The following TCF3 variants were observed in gnomAD, a reference collection of about 807,000 sequenced individuals.
TCF3 encodes transcription factor 3.
Under a neutral mutation model 72.3 loss-of-function variants are expected in TCF3, and 54 were observed. That is an observed-to-expected ratio of 0.75 (90% CI 0.60 to 0.94). The LOEUF (loss-of-function observed/expected upper bound fraction) is 0.94. Ranked by LOEUF, TCF3 falls within the 40% of genes least tolerant of loss-of-function variation. The pLI, the probability that TCF3 is intolerant of heterozygous loss-of-function variation, is 0.00. For missense variants in TCF3, 1,078 were observed against 934.4 expected (o/e 1.15, Z -2.00); for synonymous variants, 525 against 412.6 (o/e 1.27, Z -3.30).
Position 1,611,836 on chromosome 19 carries a change from A to G in TCF3, c.1836T>C (p.Asn612=), listed in dbSNP as rs773472092. ...GCCGTTTCAAACAGGCTGCTTTGGG[A>G]TTCAGGTTCCGCTCTGGAGGGAGGG... ...LEQQVRERNL[N]PKAACLKRRE... is the part of the protein sequence containing the mutation. Residue 612 remains asparagine, a synonymous_variant, in exon 19 of 19, where the codon AAT becomes AAC. Transcript: ENST00000262965. The G allele has an allele frequency of 6.2e-7, 1 of 1,605,842 alleles. No homozygotes were observed. The highest frequency in any genetic ancestry group is 1.4e-5 in the African/African-American group (1 of 73,406).
At chr19:1,620,340 C>T (rs766050820) in intron 13 of TCF3, among the ~76,000 whole-genome samples, 1 of 152,270 alleles carries the variant, frequency 6.6e-6, no homozygotes. Context: ...TCTCACTCCC[C>T]CTCCTCCTGT....
chr19:1,624,780 T>C (rs1205371762), intron 7 of TCF3, among the ~76,000 whole-genome samples: 1 of 152,360 alleles, frequency 6.6e-6, no homozygotes, highest in East Asian at 1.9e-4. Context: ...TCCCGCATCA[T>C]GGGGCTCCTG....
chr19:1,646,242 T>C (rs1430751505), intron 3 of TCF3, 113 bp downstream of exon 3: 2 of 1,188,910 alleles, frequency 1.7e-6, no homozygotes, highest in African/African-American at 1.5e-5. Context: ...TGTGTGGCCC[T>C]TTCCCCATTG....
chr19:1,630,751 G>C (rs1053299264), intron 5 of TCF3, among the ~76,000 whole-genome samples: 2 of 152,224 alleles, frequency 1.3e-5, no homozygotes, highest in Non-Finnish European at 2.9e-5. Context: ...TGGGGCAGGA[G>C]GCTGACCACG....
chr19:1,622,380 C>T lies in TCF3; in HGVS notation c.585G>A (p.Arg195=). The change falls in exon 9 of 19, where the codon AGG becomes AGA. Residue 195 remains arginine, a synonymous_variant. Transcript: ENST00000262965. The part of the protein sequence containing the change: ...YPPSSGEDYG[R]DATAYPSAKT... ...TGGCGGACGGGTAGGCGGTGGCATC[C>T]CTGCCGTAGTCCTCACCTGAGCTGG... 2.0e-6 allele frequency: 3 copies of T among 1,521,620 alleles called. No individual in the cohort carries two copies. The highest frequency in any genetic ancestry group is 1.4e-5 in the African/African-American group (1 of 72,564). The allele number at this position is 1,521,620 out of a possible 1,614,324, so 94.3% of individuals were successfully genotyped here. A position where few individuals can be genotyped will look rare whatever the true frequency, so the allele number is the denominator to read the frequency against.
intron 3 of TCF3, among the ~76,000 whole-genome samples, chr19:1,636,422 A>G (rs189512572): frequency 2.6e-5 from 4 of 152,202 alleles, no homozygotes; most frequent in Admixed American, 2.6e-4. Flanking sequence ...CAGACTCCCA[A>G]AGTGCTGGGA....
chr19:1,619,664 AT>A, intron 14 of TCF3, 115 bp downstream of exon 14: 2 of 1,298,774 alleles, frequency 1.5e-6, no homozygotes, highest in Admixed American at 4.3e-5. Context: ...CGAGGCCTCA[AT>A]AACAGCTTGG....
At chr19:1,623,517 G>A (rs1485639343) in intron 8 of TCF3, among the ~76,000 whole-genome samples, 1 of 151,798 alleles carries the variant, frequency 6.6e-6, no homozygotes, top group Non-Finnish European at 1.5e-5. Context: ...CCAAGTAGCT[G>A]GGATTACAGG....
chr19:1,619,029 C>G, intron 16 of TCF3, 82 bp downstream of exon 16: 2 of 1,585,988 alleles, frequency 1.3e-6, no homozygotes, highest in Non-Finnish European at 1.7e-6. Context: ...CCCTGGGCTC[C>G]CACCCTGACC....
At chr19:1,626,575 C>T (rs1042885774) in intron 6 of TCF3, among the ~76,000 whole-genome samples, 4 of 152,178 alleles carry the variant, frequency 2.6e-5, no homozygotes, top group Admixed American at 1.3e-4. Context: ...GTGGCCACCG[C>T]GGGGCTCGAT....
intron 3 of TCF3, among the ~76,000 whole-genome samples, chr19:1,635,353 G>A (rs1172643533): frequency 6.6e-6 from 1 of 152,140 alleles, no homozygotes; most frequent in Non-Finnish European, 1.5e-5. Context: ...ACATCCTCAG[G>A]CAGCCGGATG....
intron 2 of TCF3, among the ~76,000 whole-genome samples, chr19:1,647,882 T>C (rs2066366877): frequency 6.6e-6 from 1 of 152,190 alleles, no homozygotes; most frequent in African/African-American, 2.4e-5. Flanking sequence ...CCGAGGGCTC[T>C]GGCTGTGTGG....
chr19:1,622,151 C>T lies in TCF3; in HGVS notation c.725G>A (p.Gly242Glu). The T allele has an allele frequency of 6.3e-7, 1 of 1,581,828 alleles. No individual in the cohort carries two copies. Among genetic ancestry groups the T allele is most frequent in the Non-Finnish European group, 8.6e-7 (1 of 1,166,490 alleles). Reference sequence around the variant, plus strand: ...CGGGAGGGGCAGCGGGGATGAGCCCCCACCCAGCATGGGCCCGAAGCCCGC... The same window carrying T: ...CGGGAGGGGCAGCGGGGATGAGCCCTCACCCAGCATGGGCCCGAAGCCCGC... ...GQAGFGPMLG[G>E]GSSPLPLPPG... Residue 242 changes from glycine (G) to glutamate (E), a missense_variant, in exon 10 of 19, where the codon GGG becomes GAG. Physicochemically the swap from Gly to Glu is moderately conservative, Grantham distance 98. Coordinates refer to ENST00000262965, the MANE Select transcript of TCF3 (RefSeq NM_003200.5).
chr19:1,646,588 A>G (rs910433357), intron 2 of TCF3, among the ~76,000 whole-genome samples, 161 bp from the exon 3 acceptor site: 1 of 152,112 alleles, frequency 6.6e-6, no homozygotes, highest in African/African-American at 2.4e-5. Flanking sequence ...ATCACAGACC[A>G]GAAGACTCTG....
At chr19:1,618,231 C>G (rs2061750997) in intron 16 of TCF3, among the ~76,000 whole-genome samples, 1 of 152,108 alleles carries the variant, frequency 6.6e-6, no homozygotes, top group Admixed American at 6.5e-5. Flanking sequence ...CCCTCAAGTC[C>G]TGTCCATCAC....
Position 1,615,328 on chromosome 19 carries a change from G to A in TCF3, c.1779C>T (p.His593=). The A allele has an allele frequency of 1.2e-6, 2 of 1,610,636 alleles. No homozygotes were observed. The highest frequency in any genetic ancestry group is 1.1e-5 in the South Asian group (1 of 91,012). ...AGTTCAGGATGACCGAGACAGCCTG[G>A]TGCAGGATGAGCAGTTTGGTCTGGG... ...EKPQTKLLIL[H]QAVSVILNLE... The change falls in exon 18 of 19, where the codon CAC becomes CAT. Residue 593 remains histidine (H), a synonymous_variant. Coordinates refer to ENST00000262965, the MANE Select transcript of TCF3 (RefSeq NM_003200.5). The surrounding 1 kb of genome is among the most constrained non-coding windows in gnomAD (Gnocchi z 7.3).
intron 1 of TCF3, among the ~76,000 whole-genome samples, chr19:1,651,972 G>C (rs1445781309): frequency 1.3e-5 from 2 of 150,880 alleles, no homozygotes; most frequent in Non-Finnish European, 3.0e-5. Context: ...GCCCGGGCTG[G>C]GGGGGACGGT....
At position 1,609,950 on chromosome 19, in the gene TCF3, G is replaced by A. The variant is rs888344170; in HGVS notation, c.*1757C>T. 6 of 232,694 alleles carry A rather than the reference G, an allele frequency of 2.6e-5. No individual in the cohort carries two copies. Among genetic ancestry groups the A allele is most frequent in the African/African-American group, 1.3e-4 (6 of 45,264 alleles). The allele number at this position is 232,694 out of a possible 1,614,324, so 14.4% of individuals were successfully genotyped here. A position where few individuals can be genotyped will look rare whatever the true frequency, so the allele number is the denominator to read the frequency against. On this transcript the variant is annotated 3_prime_UTR_variant, in exon 19 of 19. Coordinates refer to ENST00000262965, the MANE Select transcript of TCF3 (RefSeq NM_003200.5). Reference sequence around the variant, plus strand: ...GGTCCACAAGGCCTCAATGCAGGGAGGGGCATGAAGGGCACATGAAGGCCC... The same window carrying A: ...GGTCCACAAGGCCTCAATGCAGGGAAGGGCATGAAGGGCACATGAAGGCCC...
intron 2 of TCF3, among the ~76,000 whole-genome samples, chr19:1,647,276 A>G (rs977387865): frequency 1.3e-5 from 2 of 152,212 alleles, no homozygotes; most frequent in Non-Finnish European, 2.9e-5. Context: ...AAAAAACACA[A>G]CAAGCCTCCG....
Sources: allele counts gnomAD v4.1 joint callset (sites outside exome capture counted in the v4.1 genomes callset), GRCh38; gene constraint gnomAD v4.1.1; non-coding constraint Gnocchi (gnomAD v3.1); transcripts MANE v1.5; gene names NCBI Gene and HGNC (gene_info 2026-07-23, HGNC 2026-07-21).